Variants in FPR3 observed in about 807,000 individuals in gnomAD.
The protein encoded by FPR3 is N-formyl peptide receptor 3.
For synonymous variants in FPR3, 135 were observed against 163.6 expected, an observed-to-expected ratio of 0.83 and a Z score of 1.34; for missense variants, 346 against 443.2, an observed-to-expected ratio of 0.78 and a Z score of 1.97.
chr19:51,812,116 T>A (rs1016326736), intron 1 of FPR3, among the ~76,000 whole-genome samples: 2 of 152,196 alleles, frequency 1.3e-5, no homozygotes, highest in Admixed American at 6.5e-5. Flanking sequence ...AAACAGAATA[T>A]GTTGGAGGTA....
Position 51,800,461 on chromosome 19 carries a change from G to A in FPR3, c.-11+5130G>A, listed in dbSNP as rs142639554. ...ACAGGCTGGGGCAATTACAGGCCTG[G>A]GTGGGAGAGGTCTGGAAGTGGAGCA... On this transcript the variant is annotated intron_variant, in intron 1 of 1. Transcript: ENST00000339223. 5.3e-4 allele frequency among the ~76,000 whole-genome samples: 80 copies of A among 152,310 alleles called. 1 individual carries two copies. The East Asian group carries it at 0.015, about 29-fold the overall frequency.
intron 1 of FPR3, among the ~76,000 whole-genome samples, chr19:51,815,127 G>T (rs12459560): frequency 0.14 from 21,878 of 152,096 alleles, 1,951 homozygotes; most frequent in East Asian, 0.34. Flanking sequence ...TTATGTTAGT[G>T]AGGTTATTTA....
Position 51,825,061 on chromosome 19 carries a change from C to T in FPR3, c.*251C>T. The T allele has an allele frequency of 2.5e-6, 1 of 406,640 alleles. No individual in the cohort carries two copies. Among genetic ancestry groups the T allele is most frequent in the South Asian group, 4.8e-5 (1 of 20,724 alleles). 25.2% of individuals were successfully genotyped at this position (406,640 alleles called of 1,614,324 possible). A position where few individuals can be genotyped will look rare whatever the true frequency, so the allele number is the denominator to read the frequency against. Reference sequence around the variant, plus strand: ...GATCCCACAGGTTTAAGGGCTCATTCCCCAAGTCTGCTCCTCCAGTTGAGA... The same window carrying T: ...GATCCCACAGGTTTAAGGGCTCATTTCCCAAGTCTGCTCCTCCAGTTGAGA... On this transcript the variant is annotated 3_prime_UTR_variant, in exon 2 of 2. Transcript: ENST00000339223.
chr19:51,814,611 A>C (rs920516318), intron 1 of FPR3, among the ~76,000 whole-genome samples: 1 of 151,988 alleles, frequency 6.6e-6, no homozygotes, highest in East Asian at 1.9e-4. Flanking sequence ...CTCCTGCCGC[A>C]GTCTCCTGAG....
intron 1 of FPR3, among the ~76,000 whole-genome samples, chr19:51,822,682 T>C (rs745673987): frequency 3.3e-5 from 5 of 152,200 alleles, no homozygotes; most frequent in Non-Finnish European, 7.4e-5. Context: ...GAATAGTCTC[T>C]GATAAGAACC....
At chr19:51,804,491 T>G (rs768957170) in intron 1 of FPR3, among the ~76,000 whole-genome samples, 8 of 152,188 alleles carry the variant, frequency 5.3e-5, no homozygotes, top group Non-Finnish European at 7.3e-5. Flanking sequence ...AGTTTTACAA[T>G]TTGATTTGAT....
At chr19:51,805,497 A>G (rs1489936657) in intron 1 of FPR3, among the ~76,000 whole-genome samples, 1 of 152,210 alleles carries the variant, frequency 6.6e-6, no homozygotes, top group Non-Finnish European at 1.5e-5. Context: ...GGCTTTCACA[A>G]GGTCCCACGG....
intron 1 of FPR3, among the ~76,000 whole-genome samples, chr19:51,801,777 G>A (rs1355283003): frequency 6.6e-6 from 1 of 152,102 alleles, no homozygotes; most frequent in Non-Finnish European, 1.5e-5. Context: ...AAAATTTATG[G>A]ACTTCATAGT....
chr19:51,797,740 T>C (rs1191700847), intron 1 of FPR3, among the ~76,000 whole-genome samples: 3 of 152,102 alleles, frequency 2.0e-5, no homozygotes, highest in Non-Finnish European at 2.9e-5. Context: ...ATAAGCATCG[T>C]TCTTGTCCTG....
At chr19:51,822,875 G>A (rs557938293) in intron 1 of FPR3, among the ~76,000 whole-genome samples, 1 of 151,084 alleles carries the variant, frequency 6.6e-6, no homozygotes, top group Admixed American at 6.6e-5. Context: ...CTTTTTTTTT[G>A]TGGGGGGAAA....
At chr19:51,806,555 C>T (rs1288799710) in intron 1 of FPR3, among the ~76,000 whole-genome samples, 2 of 152,150 alleles carry the variant, frequency 1.3e-5, no homozygotes, top group Non-Finnish European at 2.9e-5. Context: ...TTTCAACATT[C>T]GTTGTAATGT....
intron 1 of FPR3, among the ~76,000 whole-genome samples, 170 bp downstream of exon 1, chr19:51,795,501 ATTCTTTTTT>A (rs1186037342): frequency 5.2e-5 from 4 of 77,076 alleles, no homozygotes; most frequent in Non-Finnish European, 6.9e-5. Flanking sequence ...TTCCAGTAAC[ATTCTTTTTT>A]TTTTTTTTTT....
At chr19:51,801,390 C>A (rs999843671) in intron 1 of FPR3, among the ~76,000 whole-genome samples, 2 of 152,146 alleles carry the variant, frequency 1.3e-5, no homozygotes, top group Admixed American at 6.5e-5. Flanking sequence ...AATTCAAAAT[C>A]CATATATTAA....
At chr19:51,802,712 A>T (rs2084032460) in intron 1 of FPR3, among the ~76,000 whole-genome samples, 1 of 152,110 alleles carries the variant, frequency 6.6e-6, no homozygotes, top group Admixed American at 6.6e-5. Flanking sequence ...ACCTTTTTGT[A>T]TCTTTCTCTT....
intron 1 of FPR3, among the ~76,000 whole-genome samples, chr19:51,802,916 G>A (rs1259723110): frequency 6.6e-6 from 1 of 151,826 alleles, no homozygotes; most frequent in Non-Finnish European, 1.5e-5. Context: ...ACTTCATATG[G>A]TTCCTTTCAT....
intron 1 of FPR3, among the ~76,000 whole-genome samples, chr19:51,798,252 G>T (rs1442622388): frequency 6.6e-6 from 1 of 152,076 alleles, no homozygotes; most frequent in East Asian, 1.9e-4. Flanking sequence ...CCTCCCAGGG[G>T]ATCTTTGACA....
intron 1 of FPR3, chr19:51,803,703 G>C (rs2084039760): frequency 6.6e-6 from 1 of 152,122 alleles, no homozygotes; most frequent in Admixed American, 6.5e-5. Flanking sequence ...AGCCACGAAG[G>C]ACAGCGTGAG....
At chr19:51,802,648 A>AT (rs2084032080) in intron 1 of FPR3, among the ~76,000 whole-genome samples, 1 of 152,176 alleles carries the variant, frequency 6.6e-6, no homozygotes, top group Non-Finnish European at 1.5e-5. Context: ...ATGAGATAGT[A>AT]TATATTAAAG....
intron 1 of FPR3, among the ~76,000 whole-genome samples, chr19:51,819,320 T>C (rs2084170522): frequency 6.6e-6 from 1 of 152,146 alleles, no homozygotes; most frequent in Non-Finnish European, 1.5e-5. Context: ...ATAATTCAGA[T>C]GAGAGGATAG....
Sources: gnomAD v4.1 joint callset for allele counts (sites outside exome capture counted in the v4.1 genomes callset) on GRCh38, gnomAD v4.1.1 for gene constraint, MANE v1.5 for transcripts, NCBI Gene and HGNC (gene_info 2026-07-23, HGNC 2026-07-21) for gene names.